Variants in CSMD1 observed in about 807,000 individuals in gnomAD.
CSMD1 encodes CUB and Sushi multiple domains 1.
A neutral mutation model predicts 417.5 loss-of-function variants in CSMD1; 213 were observed. That is an observed-to-expected ratio of 0.51 (90% confidence interval 0.46 to 0.57). The LOEUF is 0.57. Ranked by LOEUF, CSMD1 falls within the 20% of genes least tolerant of loss-of-function variation. The probability of loss-of-function intolerance (pLI) is 0.00; values close to 1 mark genes in which losing one functional copy is unlikely to be tolerated. For synonymous variants in CSMD1, 2,862 were observed against 1,736.8 expected (o/e 1.65, Z -16.11); for missense variants, 6,923 against 4,529.7 (o/e 1.53, Z -15.17).
chr8:4,212,242 T>C (rs780931548), intron 3 of CSMD1, among the ~76,000 whole-genome samples: 56 of 151,436 alleles, frequency 3.7e-4, no homozygotes, highest in Non-Finnish European at 6.2e-4. Context: ...TAGCTAATTT[T>C]GCATCCTTTA....
At chr8:3,332,263 T>C (rs551156789) in intron 23 of CSMD1, among the ~76,000 whole-genome samples, 28 of 152,254 alleles carry the variant, frequency 1.8e-4, no homozygotes, top group South Asian at 8.3e-4. Context: ...TTGATGACAA[T>C]TGTATCCTGC....
At chr8:3,786,045 G>A (rs147640608) in intron 5 of CSMD1, among the ~76,000 whole-genome samples, 2 of 152,120 alleles carry the variant, frequency 1.3e-5, no homozygotes, top group Admixed American at 6.6e-5. Flanking sequence ...GACGGAAGAA[G>A]TGATGTTTGG....
At chr8:4,123,462 T>C (rs562320166) in intron 3 of CSMD1, among the ~76,000 whole-genome samples, 17 of 152,334 alleles carry the variant, frequency 1.1e-4, no homozygotes, top group Admixed American at 3.9e-4. Flanking sequence ...AATATCATTA[T>C]TGTGGGTAAA....
chr8:2,992,457 T>C (rs778844749), intron 54 of CSMD1, among the ~76,000 whole-genome samples: 1 of 151,964 alleles, frequency 6.6e-6, no homozygotes, highest in African/African-American at 2.4e-5. Flanking sequence ...GAAGTCTCGC[T>C]CTGTCAGTCA....
At chr8:3,847,853 C>A (rs2129098059) in intron 5 of CSMD1, among the ~76,000 whole-genome samples, 1 of 152,302 alleles carries the variant, frequency 6.6e-6, no homozygotes, top group East Asian at 1.9e-4. Context: ...TATTTGCTCC[C>A]ATTATGCGCT....
intron 26 of CSMD1, among the ~76,000 whole-genome samples, chr8:3,268,290 T>G: frequency 2.7e-5 from 1 of 37,246 alleles, no homozygotes; most frequent in East Asian, 4.4e-4. Flanking sequence ...TCATTTCCTA[T>G]TTTTTTTTTT....
intron 6 of CSMD1, among the ~76,000 whole-genome samples, chr8:3,714,261 ATT>A (rs772877102): frequency 2.0e-5 from 3 of 150,662 alleles, no homozygotes; most frequent in Admixed American, 6.6e-5. Flanking sequence ...CTCTAATTTA[ATT>A]TGTCTTACAA....
At chr8:4,903,336 T>A (rs1057192431) in intron 1 of CSMD1, among the ~76,000 whole-genome samples, 5 of 152,312 alleles carry the variant, frequency 3.3e-5, no homozygotes, top group African/African-American at 9.6e-5. Context: ...TTACCATCTT[T>A]GATAAGTAGC....
At chr8:3,316,467 G>A (rs976727107) in intron 23 of CSMD1, among the ~76,000 whole-genome samples, 10 of 152,118 alleles carry the variant, frequency 6.6e-5, no homozygotes, top group Non-Finnish European at 1.3e-4. Flanking sequence ...GCTATGGTTT[G>A]CGTGAAGGTT....
chr8:3,463,583 CA>C (rs1445923418), intron 12 of CSMD1, among the ~76,000 whole-genome samples: 21 of 152,170 alleles, frequency 1.4e-4, no homozygotes, highest in Admixed American at 1.4e-3. Flanking sequence ...CTCACAAGGA[CA>C]GGGGCATGAG....
At chr8:3,158,083 ATTC>A in intron 38 of CSMD1, 117 bp from the exon 39 acceptor site, 1 of 852,950 alleles carries the variant, frequency 1.2e-6, no homozygotes, top group Admixed American at 2.6e-5. Context: ...ATATTTGAAA[ATTC>A]AAAAATTGTG....
Position 3,101,512 on chromosome 8 carries a change from T to C in CSMD1, c.6950-4475A>G, listed in dbSNP as rs1815740967. 2.0e-5 allele frequency among the ~76,000 whole-genome samples: 3 copies of C among 152,072 alleles called. No individual in the cohort carries two copies. The South Asian group carries it at 6.2e-4, about 32-fold the overall frequency. ...ATCTCAGCTCACTGCAAGCTCCACC[T>C]CCGGGGTTCACACCATTCTCCTGCC... On this transcript the variant is annotated intron_variant, in intron 46 of 69. Transcript: ENST00000635120.
At chr8:4,157,617 C>A (rs1475201886) in intron 3 of CSMD1, among the ~76,000 whole-genome samples, 1 of 152,190 alleles carries the variant, frequency 6.6e-6, no homozygotes, top group Admixed American at 6.5e-5. Flanking sequence ...ATCTTTCACG[C>A]AGAGTTGATT....
intron 30 of CSMD1, among the ~76,000 whole-genome samples, chr8:3,208,623 T>A (rs898717685): frequency 6.6e-6 from 1 of 152,108 alleles, no homozygotes; most frequent in African/African-American, 2.4e-5. Flanking sequence ...GGATAGAAAG[T>A]ATTGATCCTG....
intron 1 of CSMD1, among the ~76,000 whole-genome samples, chr8:4,965,665 C>T (rs934946180): frequency 6.6e-6 from 1 of 152,164 alleles, no homozygotes; most frequent in Admixed American, 6.5e-5. Flanking sequence ...AGTACATGCT[C>T]TTAGTCTCCC....
chr8:3,249,317 GT>G (rs891199506), intron 26 of CSMD1, among the ~76,000 whole-genome samples: 2 of 152,120 alleles, frequency 1.3e-5, no homozygotes, highest in Non-Finnish European at 2.9e-5. Flanking sequence ...TGCCTCCTGG[GT>G]TCATGTGATT....
intron 22 of CSMD1, among the ~76,000 whole-genome samples, chr8:3,346,203 G>A (rs542038675): frequency 7.2e-5 from 11 of 152,056 alleles, no homozygotes; most frequent in Non-Finnish European, 1.5e-4. Context: ...TGAGAAGCAC[G>A]TTTTTTTAAA....
chr8:4,480,277 A>C (rs943042719), intron 2 of CSMD1, among the ~76,000 whole-genome samples: 6 of 151,238 alleles, frequency 4.0e-5, no homozygotes, highest in African/African-American at 1.5e-4. Flanking sequence ...CTCTGAGTTG[A>C]CCCCCAGGAT....
At chr8:4,332,825 T>G (rs1218090624) in intron 3 of CSMD1, among the ~76,000 whole-genome samples, 5 of 151,952 alleles carry the variant, frequency 3.3e-5, no homozygotes, top group Admixed American at 2.6e-4. Context: ...TCAGGGAAAC[T>G]TTATTTAGCT....
Sources: gnomAD v4.1 joint callset for allele counts (sites outside exome capture counted in the v4.1 genomes callset) on GRCh38, gnomAD v4.1.1 for gene constraint, MANE v1.5 for transcripts, NCBI Gene and HGNC (gene_info 2026-07-23, HGNC 2026-07-21) for gene names.